The following CYFIP1 variants were observed in gnomAD, a reference collection of about 807,000 sequenced individuals.
The protein encoded by CYFIP1 is cytoplasmic FMR1 interacting protein 1, also known as cytoplasmic FMR1-interacting protein 1.
CYFIP1 carries 58 observed loss-of-function variants against 163.5 expected under a neutral mutation model. That is an observed-to-expected ratio of 0.35 (90% CI 0.29 to 0.44). The LOEUF (loss-of-function observed/expected upper bound fraction) is 0.44. Ranked by LOEUF, CYFIP1 falls within the 20% of genes least tolerant of loss-of-function variation. The pLI is 1.00. For missense variants in CYFIP1, 1,338 were observed against 1,653.8 expected (o/e 0.81, Z 3.31); for synonymous variants, 663 against 660.7 (o/e 1.00, Z -0.05).
chr15:22,904,243 C>T (rs577681292), intron 21 of CYFIP1: 19 of 358,678 alleles, frequency 5.3e-5, no homozygotes, highest in African/African-American at 3.9e-4. Context: ...TGCAGTATAA[C>T]CCAGCCGGCG....
chr15:22,923,313 C>T (rs991752011), intron 13 of CYFIP1, among the ~76,000 whole-genome samples: 1 of 152,096 alleles, frequency 6.6e-6, no homozygotes, highest in African/African-American at 2.4e-5. Context: ...TCTGAAGAGA[C>T]ATTTCTCCAA....
chr15:22,968,517 T>G (rs1318806965), intron 1 of CYFIP1, among the ~76,000 whole-genome samples: 2 of 152,172 alleles, frequency 1.3e-5, no homozygotes, highest in Non-Finnish European at 2.9e-5. Flanking sequence ...GCCTCTACAA[T>G]TGTGAGTCAG....
intron 1 of CYFIP1, among the ~76,000 whole-genome samples, chr15:22,973,130 C>T (rs970996716): frequency 6.6e-6 from 1 of 151,494 alleles, no homozygotes; most frequent in African/African-American, 2.4e-5. Context: ...AGTGAGACTC[C>T]GTCTCAAAAA....
intron 1 of CYFIP1, among the ~76,000 whole-genome samples, chr15:22,979,280 C>T (rs2140299783): frequency 6.6e-6 from 1 of 152,274 alleles, no homozygotes; most frequent in South Asian, 2.1e-4. Flanking sequence ...ATGCGTGGGG[C>T]CCCCGCGGGT....
intron 16 of CYFIP1, 61 bp downstream of exon 16, chr15:22,916,416 T>C: frequency 1.5e-6 from 2 of 1,297,892 alleles, no homozygotes; most frequent in East Asian, 2.3e-5. Context: ...GGAAGCATTC[T>C]AGACGGTGTT....
chr15:22,951,505 G>A (rs754490706), intron 1 of CYFIP1: 31 of 1,288,422 alleles, frequency 2.4e-5, no homozygotes, highest in Non-Finnish European at 3.0e-5. Context: ...GCCTGAGGAC[G>A]TGCTTCGGCC....
In CYFIP1 at chr15:22,883,030, A is replaced by G. The variant is rs766666266; in HGVS notation, c.2677-19T>C. Reference sequence around the variant, plus strand: ...TCAAAGCCTGGAAAACAGGGCACAGAGCTCTCAGCATGGTCCCCGCACACA... The same window carrying G: ...TCAAAGCCTGGAAAACAGGGCACAGGGCTCTCAGCATGGTCCCCGCACACA... On this transcript the variant is annotated intron_variant, in intron 23 of 30. Transcript: ENST00000617928. The G allele has an allele frequency of 1.9e-6, 3 of 1,612,296 alleles. No homozygotes were observed. In the South Asian group the frequency reaches 3.3e-5, roughly 18 times the overall value.
chr15:22,887,580 A>C (rs2059959445), intron 23 of CYFIP1, among the ~76,000 whole-genome samples: 2 of 152,202 alleles, frequency 1.3e-5, no homozygotes, highest in South Asian at 2.1e-4. Context: ...CAGCTGTCAG[A>C]GGAGGCATCA....
intron 12 of CYFIP1, among the ~76,000 whole-genome samples, chr15:22,927,188 CA>C (rs1408120938): frequency 1.3e-5 from 2 of 151,804 alleles, no homozygotes; most frequent in Admixed American, 6.6e-5. Flanking sequence ...AACCAAAAAA[CA>C]AAAAACTAGG....
At chr15:22,881,054 T>C (rs994782220) in intron 25 of CYFIP1, among the ~76,000 whole-genome samples, 5 of 152,186 alleles carry the variant, frequency 3.3e-5, no homozygotes, top group Non-Finnish European at 7.3e-5. Context: ...TGATGGCTAC[T>C]TCCCCATGGT....
Position 22,903,771 on chromosome 15 carries a change from C to T in CYFIP1, c.2523G>A (p.Leu841=). The T allele has an allele frequency of 6.2e-7, 1 of 1,614,182 alleles. No individual in the cohort carries two copies. The highest frequency in any genetic ancestry group is 8.5e-7 in the Non-Finnish European group (1 of 1,180,046). Reference sequence around the variant, plus strand: ...CATAGTTGAGCTCCCAGAAGACGTGCAGGGTGATCCTCCCGTAGGGCGCTG... The same window carrying T: ...CATAGTTGAGCTCCCAGAAGACGTGTAGGGTGATCCTCCCGTAGGGCGCTG... ...NVSAPYGRIT[L]HVFWELNYDF... The change falls in exon 22 of 31, where the codon CTG becomes CTA. Residue 841 remains leucine (L), a synonymous_variant. Transcript: ENST00000617928.
In CYFIP1 at chr15:22,874,596, G is replaced by C. The variant is rs529252174; in HGVS notation, c.3164C>G (p.Ala1055Gly). The C allele has an allele frequency of 2.5e-6, 4 of 1,607,180 alleles. No homozygotes were observed. The Admixed American group carries it at 5.1e-5, about 21-fold the overall frequency. ...AATCAGTGGGACAAGATGCAGCGGG[G>C]CGTACTTTGATTCTAGTCTTTTCAT... ...AKMKRLESKY[A>G]PLHLVPLIER... The change falls in exon 28 of 31, where the codon GCC becomes GGC. Residue 1055 changes from alanine (A) to glycine (G), a missense_variant. Transcript: ENST00000617928.
chr15:22,890,848 C>T (rs997607710), intron 23 of CYFIP1, among the ~76,000 whole-genome samples: 2 of 151,628 alleles, frequency 1.3e-5, no homozygotes, highest in Non-Finnish European at 2.9e-5. Flanking sequence ...CAGCGGAGGC[C>T]GCACCTGCCA....
At chr15:22,951,635 C>T (rs1046008664) in intron 1 of CYFIP1, 2 of 1,075,050 alleles carry the variant, frequency 1.9e-6, no homozygotes, top group Non-Finnish European at 2.5e-6. Context: ...ATGCCCGGGC[C>T]CCACGCGGGT....
intron 17 of CYFIP1, among the ~76,000 whole-genome samples, chr15:22,912,643 G>T (rs958427452): frequency 6.6e-6 from 1 of 152,222 alleles, no homozygotes; most frequent in African/African-American, 2.4e-5. Context: ...CAAGGACCAG[G>T]CTTGGTGGTT....
At chr15:22,960,983 C>T (rs560979709) in intron 1 of CYFIP1, among the ~76,000 whole-genome samples, 1 of 151,670 alleles carries the variant, frequency 6.6e-6, no homozygotes, top group African/African-American at 2.4e-5. Flanking sequence ...TCTGAATGTT[C>T]TTTTAATTTG....
At chr15:22,883,992 A>G (rs2059859974) in intron 23 of CYFIP1, among the ~76,000 whole-genome samples, 1 of 152,116 alleles carries the variant, frequency 6.6e-6, no homozygotes, top group Non-Finnish European at 1.5e-5. Flanking sequence ...AAACCATCAG[A>G]TCTCGTGAGA....
intron 1 of CYFIP1, among the ~76,000 whole-genome samples, chr15:22,980,063 G>T (rs1258311590): frequency 2.0e-5 from 3 of 151,454 alleles, no homozygotes; most frequent in Non-Finnish European, 2.9e-5. Flanking sequence ...GGAGTGCGGG[G>T]ACCTGGAGCC....
chr15:22,901,471 G>A (rs72698061), intron 22 of CYFIP1, among the ~76,000 whole-genome samples: 1,798 of 152,324 alleles, frequency 0.012, 16 homozygotes, highest in African/African-American at 0.017. Flanking sequence ...GACAGTTGCC[G>A]CCTTGGGCTC....
Sources: gnomAD v4.1 joint callset for allele counts (sites outside exome capture counted in the v4.1 genomes callset) on GRCh38, gnomAD v4.1.1 for gene constraint, MANE v1.5 for transcripts, NCBI Gene and HGNC (gene_info 2026-07-23, HGNC 2026-07-21) for gene names.